The following ADGRV1 variants were observed in gnomAD, a reference collection of about 807,000 sequenced individuals.
ADGRV1 encodes adhesion G protein-coupled receptor V1, also known as G-protein coupled receptor 98.
ADGRV1 carries 359 observed loss-of-function variants against 596.2 expected under a neutral mutation model. The ratio of observed to expected loss-of-function variants is 0.60; its 90% CI spans 0.55 to 0.66. The LOEUF (loss-of-function observed/expected upper bound fraction) is 0.66. ADGRV1 is among the 30% of genes least tolerant of loss of function. The pLI is 0.00. For missense variants in ADGRV1, 7,274 were observed against 7,575.6 expected (o/e 0.96, Z 1.48); for synonymous variants, 2,681 against 2,679.2 (o/e 1.00, Z -0.02).
At chr5:90,929,249 G>T (rs10041211) in intron 83 of ADGRV1, 44,184 of 148,884 alleles carry the variant, frequency 0.3, 6,792 homozygotes, top group Non-Finnish European at 0.34. Flanking sequence ...CGCCTTGCAG[G>T]TTGATCTCAG....
chr5:90,853,456 A>G lies in ADGRV1; in HGVS notation c.17377A>G (p.Lys5793Glu). ...AATAATGGCTGGGAAAAGTACATGT[A>G]AATTAGTCCAGTTTACAGAGTATAG... ...AEIMAGKSTCKLVQFTEYSSQ... is the reference protein window; with the variant it reads ...AEIMAGKSTCELVQFTEYSSQ... Residue 5793 changes from lysine to glutamate, a missense_variant, in exon 80 of 90, where the codon AAA becomes GAA. By Grantham distance (56) the Lys-to-Glu change is moderately conservative (BLOSUM62 1). Coordinates refer to ENST00000405460, the MANE Select transcript of ADGRV1 (RefSeq NM_032119.4). 6.2e-7 allele frequency: 1 copy of G among 1,613,352 alleles called. No homozygotes were observed. The highest frequency in any genetic ancestry group is 8.5e-7 in the Non-Finnish European group (1 of 1,179,496).
At chr5:90,868,527 TG>T (rs989063395) in intron 83 of ADGRV1, among the ~76,000 whole-genome samples, 1 of 152,094 alleles carries the variant, frequency 6.6e-6, no homozygotes, top group Non-Finnish European at 1.5e-5. Context: ...AGTGTTGTTT[TG>T]GACATAAAAT....
intron 87 of ADGRV1, among the ~76,000 whole-genome samples, chr5:91,115,514 C>T (rs573768754): frequency 6.6e-6 from 1 of 152,218 alleles, no homozygotes; most frequent in African/African-American, 2.4e-5. Flanking sequence ...TCATATATCA[C>T]CAAAACTAAA....
intron 71 of ADGRV1, chr5:90,805,074 A>G: frequency 2.7e-6 from 1 of 372,152 alleles, no homozygotes; most frequent in Non-Finnish European, 4.7e-6. Flanking sequence ...TTTGATTAAA[A>G]AAAGAAAAAG....
At chr5:91,152,451 A>G (rs1199045003) in intron 88 of ADGRV1, among the ~76,000 whole-genome samples, 1 of 152,158 alleles carries the variant, frequency 6.6e-6, no homozygotes, top group Non-Finnish European at 1.5e-5. Flanking sequence ...TATATTTTTT[A>G]ACAGAATTTT....
chr5:90,865,045 C>T (rs1767963245), intron 83 of ADGRV1, among the ~76,000 whole-genome samples: 1 of 151,988 alleles, frequency 6.6e-6, no homozygotes, highest in South Asian at 2.1e-4. Context: ...ATTCTGTCAC[C>T]CTTTTTTGTT....
intron 58 of ADGRV1, among the ~76,000 whole-genome samples, chr5:90,760,233 G>A (rs1294890857): frequency 1.3e-4 from 19 of 144,806 alleles, no homozygotes; most frequent in African/African-American, 3.4e-4. Context: ...CCGAGATCAC[G>A]CCACTGCGCT....
In ADGRV1 at chr5:90,848,843, A is replaced by G. The variant is rs776763363; in HGVS notation, c.17204+22A>G. The stretch of plus-strand genomic sequence containing the variant: ...AAAAGTAAGTATCTTTTAATATATT[A>G]GCAGTACCTTTTATGCATTTTTTTC... On this transcript the variant is annotated intron_variant, in intron 79 of 89. Transcript: ENST00000405460. 5.2e-6 allele frequency: 8 copies of G among 1,525,906 alleles called. No homozygotes were observed. The African/African-American group carries it at 1.1e-4, about 22-fold the overall frequency. The allele number at this position is 1,525,906 out of a possible 1,614,324, so 94.5% of individuals were successfully genotyped here.
chr5:91,102,133 C>T (rs1791436037), intron 86 of ADGRV1, 86 bp from the exon 87 acceptor site: 1 of 1,280,580 alleles, frequency 7.8e-7, no homozygotes, highest in Admixed American at 2.3e-5. Flanking sequence ...CACTAGAATA[C>T]CACAGAAAGA....
chr5:90,783,078 A>T, intron 65 of ADGRV1, 46 bp from the exon 66 acceptor site: 1 of 1,480,040 alleles, frequency 6.8e-7, no homozygotes, highest in Non-Finnish European at 9.4e-7. Flanking sequence ...CTTATAAGTT[A>T]GTTGCTCTGT....
At chr5:91,139,866 A>T (rs769227731) in intron 87 of ADGRV1, among the ~76,000 whole-genome samples, 1 of 152,170 alleles carries the variant, frequency 6.6e-6, no homozygotes. Context: ...TGTTTTGACA[A>T]TGTGGACCAC....
chr5:90,927,065 A>G (rs1270886263), intron 83 of ADGRV1, among the ~76,000 whole-genome samples: 2 of 146,682 alleles, frequency 1.4e-5, no homozygotes, highest in African/African-American at 5.1e-5. Context: ...TATGTGGTCA[A>G]TTTTGGAATA....
At chr5:90,814,220 A>G (rs1282710523) in intron 74 of ADGRV1, among the ~76,000 whole-genome samples, 1 of 152,226 alleles carries the variant, frequency 6.6e-6, no homozygotes, top group Non-Finnish European at 1.5e-5. Flanking sequence ...ACCCTAGGAC[A>G]AATGTAGCCC....
At position 90,848,679 on chromosome 5, in the gene ADGRV1, C is replaced by A; in HGVS notation, c.17062C>A (p.Arg5688=). The A allele has an allele frequency of 6.4e-7, 1 of 1,560,188 alleles. No homozygotes were observed. Among genetic ancestry groups the A allele is most frequent in the Non-Finnish European group, 8.6e-7 (1 of 1,157,770 alleles). The change falls in exon 79 of 90, where the codon CGA becomes AGA. Residue 5688 remains arginine (R), a synonymous_variant. Transcript: ENST00000405460. ...GKIQAFSVAS[R]TLFYEILCSL... ...AATTCAAGCTTTCAGTGTTGCCAGC[C>A]GAACTCTTTTCTATGAGATTCTTTG...
chr5:91,051,537 ATTTTTTTTTTT>A (rs1192844206), intron 85 of ADGRV1, among the ~76,000 whole-genome samples: 2 of 102,482 alleles, frequency 2.0e-5, no homozygotes, highest in Admixed American at 1.2e-4. Context: ...TTGACTTAGG[ATTTTTTTTTTT>A]TTTTTTTTTT....
chr5:90,763,834 A>G (rs751414057), intron 59 of ADGRV1, among the ~76,000 whole-genome samples: 5 of 152,164 alleles, frequency 3.3e-5, no homozygotes, highest in African/African-American at 4.8e-5. Context: ...AATTGCATCT[A>G]TGTTGCTTCA....
At chr5:90,875,267 C>G (rs1478334030) in intron 83 of ADGRV1, among the ~76,000 whole-genome samples, 1 of 152,132 alleles carries the variant, frequency 6.6e-6, no homozygotes, top group African/African-American at 2.4e-5. Flanking sequence ...CTTTTATAAA[C>G]AAATTGTATT....
intron 83 of ADGRV1, among the ~76,000 whole-genome samples, chr5:90,933,903 T>A (rs1458815325): frequency 4.6e-5 from 7 of 152,204 alleles, no homozygotes; most frequent in Admixed American, 4.6e-4. Flanking sequence ...TCCTTTGGCC[T>A]TATTCTGTGG....
intron 87 of ADGRV1, among the ~76,000 whole-genome samples, chr5:91,126,262 A>G (rs113288181): frequency 6.6e-6 from 1 of 152,206 alleles, no homozygotes; most frequent in African/African-American, 2.4e-5. Flanking sequence ...AATTCTCTCA[A>G]TGTAGGGAAA....
Sources: allele counts gnomAD v4.1 joint callset (sites outside exome capture counted in the v4.1 genomes callset), GRCh38; gene constraint gnomAD v4.1.1; transcripts MANE v1.5; gene names NCBI Gene and HGNC (gene_info 2026-07-23, HGNC 2026-07-21).